Variants in SNTG2 observed in about 807,000 individuals in gnomAD.
SNTG2 encodes the protein gamma-2-syntrophin.
Under a neutral mutation model 70.9 loss-of-function variants are expected in SNTG2, and 74 were observed. The observed-to-expected ratio is 1.04, with a 90% CI of 0.86 to 1.27. The LOEUF (loss-of-function observed/expected upper bound fraction) is 1.27. Among genes scored for constraint, SNTG2 ranks in the 50% most tolerant of loss-of-function variants. The probability of loss-of-function intolerance (pLI) is 0.00; values close to 1 mark genes in which losing one functional copy is unlikely to be tolerated. For missense variants in SNTG2, 717 were observed against 690.7 expected (o/e 1.04, Z -0.43); for synonymous variants, 278 against 273.8 (o/e 1.02, Z -0.15).
chr2:1,326,564 G>A lies in SNTG2; in HGVS notation c.1488+10189G>A, dbSNP rs141001895. Among the ~76,000 whole-genome samples the A allele has an allele frequency of 2.4e-4, 37 of 152,176 alleles. No homozygotes were observed. The East Asian group carries it at 6.2e-3, about 25-fold the overall frequency. On this transcript the variant is annotated intron_variant, in intron 16 of 16. Transcript: ENST00000308624. The stretch of plus-strand genomic sequence containing the variant: ...GTTTTCGAAACAATTAACAGACTTC[G>A]TAAAGGAAGCATGAGGCCAACAGAA...
intron 1 of SNTG2, among the ~76,000 whole-genome samples, chr2:1,012,837 A>G (rs1296537103): frequency 1.8e-4 from 9 of 49,414 alleles, no homozygotes; most frequent in South Asian, 8.0e-4. Context: ...GGTCTGGAGA[A>G]GGATTTATAT....
At chr2:1,366,313 AT>A (rs1417642528) in intron 16 of SNTG2, among the ~76,000 whole-genome samples, 1 of 152,184 alleles carries the variant, frequency 6.6e-6, no homozygotes, top group Non-Finnish European at 1.5e-5. Context: ...GTATTTTACC[AT>A]CAAAAACAGG....
chr2:1,308,390 A>G (rs1680810360), intron 14 of SNTG2, 104 bp from the exon 15 acceptor site: 1 of 1,059,208 alleles, frequency 9.4e-7, no homozygotes, highest in Admixed American at 2.2e-5. Flanking sequence ...ATATGAGAGC[A>G]TTTTATAATT....
At chr2:1,171,013 A>AT (rs1671092071) in intron 7 of SNTG2, among the ~76,000 whole-genome samples, 1 of 151,978 alleles carries the variant, frequency 6.6e-6, no homozygotes, top group South Asian at 2.1e-4. Flanking sequence ...GTTAGGGTTA[A>AT]TTTTTTTTAA....
chr2:1,349,245 A>G (rs1660456007), intron 16 of SNTG2, among the ~76,000 whole-genome samples: 1 of 152,198 alleles, frequency 6.6e-6, no homozygotes, highest in Non-Finnish European at 1.5e-5. Flanking sequence ...TTGTTCTACT[A>G]AAATATAAGG....
intron 4 of SNTG2, among the ~76,000 whole-genome samples, chr2:1,105,868 C>A (rs550514461): frequency 6.6e-6 from 1 of 152,228 alleles, no homozygotes; most frequent in Non-Finnish European, 1.5e-5. Context: ...TCCACCCTCA[C>A]CTGGAAGATC....
At chr2:1,103,135 G>A (rs373938430) in intron 4 of SNTG2, among the ~76,000 whole-genome samples, 112 of 152,302 alleles carry the variant, frequency 7.4e-4, no homozygotes, top group African/African-American at 2.6e-3. Flanking sequence ...GGGAGGTCGA[G>A]ATAGGTCTGA....
intron 6 of SNTG2, among the ~76,000 whole-genome samples, chr2:1,150,009 T>G (rs570495611): frequency 6.6e-6 from 1 of 152,324 alleles, no homozygotes; most frequent in Non-Finnish European, 1.5e-5. Context: ...GCTTTTCATT[T>G]GGCACTCCTC....
chr2:1,357,309 G>A (rs546465250), intron 16 of SNTG2, among the ~76,000 whole-genome samples: 3 of 152,124 alleles, frequency 2.0e-5, no homozygotes, highest in East Asian at 3.9e-4. Context: ...TGTTACGTTC[G>A]GGTAATTTTC....
At chr2:1,296,124 G>A (rs979091724) in intron 14 of SNTG2, among the ~76,000 whole-genome samples, 1 of 151,912 alleles carries the variant, frequency 6.6e-6, no homozygotes, top group Non-Finnish European at 1.5e-5. Context: ...GTGTTGGGGT[G>A]GGAGGGTCAG....
chr2:1,224,555 G>T (rs1451086288), intron 9 of SNTG2, among the ~76,000 whole-genome samples: 1 of 152,150 alleles, frequency 6.6e-6, no homozygotes, highest in African/African-American at 2.4e-5. Flanking sequence ...CCCTCACCTG[G>T]AGTGTCCCAA....
chr2:1,217,549 A>AC (rs1674476060), intron 9 of SNTG2, among the ~76,000 whole-genome samples: 2 of 152,124 alleles, frequency 1.3e-5, no homozygotes. Flanking sequence ...CAGGAAAATA[A>AC]CCCCTGTCCT....
chr2:1,339,031 C>G (rs1422604384), intron 16 of SNTG2, among the ~76,000 whole-genome samples: 1 of 152,094 alleles, frequency 6.6e-6, no homozygotes, highest in Non-Finnish European at 1.5e-5. Flanking sequence ...TTTCTTTTCT[C>G]CTTTTTAAAA....
At chr2:1,177,588 GGAAAT>G (rs1238105773) in intron 8 of SNTG2, among the ~76,000 whole-genome samples, 4 of 151,752 alleles carry the variant, frequency 2.6e-5, no homozygotes, top group Non-Finnish European at 5.9e-5. Context: ...AGAAGCTAGA[GGAAAT>G]GAAATGACAC....
chr2:1,005,009 A>G (rs553804831), intron 1 of SNTG2, among the ~76,000 whole-genome samples: 1 of 152,338 alleles, frequency 6.6e-6, no homozygotes, highest in Non-Finnish European at 1.5e-5. Context: ...CAACAGTAAA[A>G]AGAAATGAAC....
intron 6 of SNTG2, among the ~76,000 whole-genome samples, chr2:1,149,169 A>G (rs1392567468): frequency 6.6e-6 from 1 of 151,118 alleles, no homozygotes; most frequent in African/African-American, 2.4e-5. Context: ...TGAAATTAAA[A>G]CATACATGTT....
chr2:975,527 A>G (rs966149295), intron 1 of SNTG2, among the ~76,000 whole-genome samples: 4 of 152,366 alleles, frequency 2.6e-5, no homozygotes, highest in African/African-American at 4.8e-5. Flanking sequence ...ATTGACATCT[A>G]CTATATAATA....
chr2:1,227,040 G>C (rs1046199514), intron 9 of SNTG2, among the ~76,000 whole-genome samples: 1 of 152,246 alleles, frequency 6.6e-6, no homozygotes, highest in Admixed American at 6.5e-5. Flanking sequence ...CCCTAAGGGA[G>C]AGGTGCGATG....
At chr2:1,318,636 G>T (rs956124212) in intron 16 of SNTG2, among the ~76,000 whole-genome samples, 2 of 152,246 alleles carry the variant, frequency 1.3e-5, no homozygotes, top group South Asian at 2.1e-4. Context: ...CACCAGCAAG[G>T]TGGGAACGCG....
Sources: gnomAD v4.1 joint callset for allele counts (sites outside exome capture counted in the v4.1 genomes callset) on GRCh38, gnomAD v4.1.1 for gene constraint, MANE v1.5 for transcripts, NCBI Gene and HGNC (gene_info 2026-07-23, HGNC 2026-07-21) for gene names.